Variants in FAM117B observed in about 807,000 individuals in gnomAD.
FAM117B encodes family with sequence similarity 117 member B.
FAM117B carries 22 observed loss-of-function variants against 52.8 expected under a neutral mutation model. The observed-to-expected ratio is 0.42, with a 90% CI of 0.30 to 0.59. The LOEUF (loss-of-function observed/expected upper bound fraction) is 0.59, where lower values mean the gene tolerates loss of function less well. Ranked by LOEUF, FAM117B falls within the 20% of genes least tolerant of loss-of-function variation. FAM117B has a pLI of 0.22. For synonymous variants in FAM117B, 309 were observed against 324.1 expected (o/e 0.95, Z 0.50); for missense variants, 678 against 802.6 (o/e 0.84, Z 1.88).
chr2:202,661,441 G>A (rs1690126074), intron 1 of FAM117B, among the ~76,000 whole-genome samples: 1 of 152,132 alleles, frequency 6.6e-6, no homozygotes, highest in Non-Finnish European at 1.5e-5. Context: ...AATGCTAAGT[G>A]TTTTGAATAT....
intron 2 of FAM117B, among the ~76,000 whole-genome samples, chr2:202,713,515 A>AT (rs1690988736): frequency 6.6e-6 from 1 of 151,458 alleles, no homozygotes; most frequent in African/African-American, 2.4e-5. Context: ...TGTCAAATTC[A>AT]TTTATTTCTG....
intron 4 of FAM117B, among the ~76,000 whole-genome samples, chr2:202,746,761 C>G (rs1691639351): frequency 6.6e-6 from 1 of 151,764 alleles, no homozygotes. Context: ...AAAAATTGTC[C>G]CAACAAAGAA....
intron 1 of FAM117B, among the ~76,000 whole-genome samples, chr2:202,644,064 G>GTTTTTTTTTTTTTTTTTTTTTTTCTT (rs1161026426): frequency 1.1e-5 from 1 of 95,138 alleles, no homozygotes; most frequent in Non-Finnish European, 1.9e-5. Flanking sequence ...TTTTTTTTTT[G>GTTTTTTTTTTTTTTTTTTTTTTTCTT]TTTTTTTTTT....
chr2:202,683,982 TCAGC>T (rs1228538420), intron 1 of FAM117B, among the ~76,000 whole-genome samples: 2 of 151,978 alleles, frequency 1.3e-5, no homozygotes, highest in African/African-American at 4.8e-5. Context: ...TCCTCCCACC[TCAGC>T]CTCCCGAGCA....
chr2:202,754,421 G>A (rs1223325843), intron 4 of FAM117B, among the ~76,000 whole-genome samples: 1 of 152,052 alleles, frequency 6.6e-6, no homozygotes, highest in Non-Finnish European at 1.5e-5. Context: ...AATAGGTGCA[G>A]CAAACCACTA....
chr2:202,680,264 A>G (rs1217999903), intron 1 of FAM117B, among the ~76,000 whole-genome samples: 1 of 152,194 alleles, frequency 6.6e-6, no homozygotes, highest in African/African-American at 2.4e-5. Context: ...AGCCACAAAA[A>G]AAGTCTGACA....
intron 4 of FAM117B, among the ~76,000 whole-genome samples, chr2:202,731,263 C>T (rs1574573005): frequency 7.1e-6 from 1 of 140,336 alleles, no homozygotes; most frequent in Non-Finnish European, 1.5e-5. Context: ...AATACCAGTT[C>T]ATATGCATTA....
At position 202,732,136 on chromosome 2, in the gene FAM117B, C is replaced by T. The variant is rs539910748; in HGVS notation, c.960+5773C>T. ...GAACTCCTGGCCTCAGGTGATCCAC[C>T]TGCCTCAGCTTTCCAAAGTGCCGGG... On this transcript the variant is annotated intron_variant, in intron 4 of 7. Coordinates refer to ENST00000392238, the MANE Select transcript of FAM117B (RefSeq NM_173511.4). Among the ~76,000 whole-genome samples, 13 of 151,904 alleles carry T rather than the reference C, an allele frequency of 8.6e-5. 1 individual carries two copies. The South Asian group carries it at 2.7e-3, about 32-fold the overall frequency.
chr2:202,731,566 G>C (rs540068458), intron 4 of FAM117B, among the ~76,000 whole-genome samples: 2 of 151,298 alleles, frequency 1.3e-5, no homozygotes, highest in African/African-American at 2.4e-5. Context: ...GAGTAGCTGG[G>C]ATTACAGGCA....
chr2:202,696,831 C>T (rs778375453), intron 2 of FAM117B, among the ~76,000 whole-genome samples: 4 of 152,064 alleles, frequency 2.6e-5, no homozygotes, highest in Non-Finnish European at 4.4e-5. Context: ...TTTGGGAGGC[C>T]GAGATGGGTG....
At chr2:202,740,335 G>A (rs970380796) in intron 4 of FAM117B, among the ~76,000 whole-genome samples, 19 of 146,140 alleles carry the variant, frequency 1.3e-4, no homozygotes, top group African/African-American at 4.6e-4. Context: ...ACTTCAGGCT[G>A]GGCAACAGAA....
chr2:202,682,262 C>T (rs773909508), intron 1 of FAM117B, among the ~76,000 whole-genome samples: 16 of 152,304 alleles, frequency 1.1e-4, no homozygotes, highest in Admixed American at 5.2e-4. Flanking sequence ...AAGGCTGTCA[C>T]GCTGACCCTC....
chr2:202,661,653 C>T (rs952144607), intron 1 of FAM117B, among the ~76,000 whole-genome samples: 2 of 152,168 alleles, frequency 1.3e-5, no homozygotes, highest in Non-Finnish European at 2.9e-5. Context: ...CATTGGCTCA[C>T]ACCTGCAATC....
intron 1 of FAM117B, among the ~76,000 whole-genome samples, chr2:202,683,927 C>T (rs1029050776): frequency 8.6e-5 from 13 of 151,788 alleles, no homozygotes; most frequent in Admixed American, 3.3e-4. Flanking sequence ...AGTGCAGTGG[C>T]GCGATCATGG....
intron 1 of FAM117B, among the ~76,000 whole-genome samples, chr2:202,686,446 G>T (rs1690538037): frequency 6.6e-6 from 1 of 152,194 alleles, no homozygotes; most frequent in African/African-American, 2.4e-5. Context: ...TCCATAAAAA[G>T]ATTTCTTCAA....
intron 2 of FAM117B, among the ~76,000 whole-genome samples, chr2:202,715,954 T>C (rs1203050768): frequency 6.7e-6 from 1 of 149,312 alleles, no homozygotes; most frequent in Admixed American, 6.7e-5. Flanking sequence ...TGGTGGCGCG[T>C]GCCTGCAATC....
chr2:202,744,469 C>T (rs1054234657), intron 4 of FAM117B, among the ~76,000 whole-genome samples: 25 of 152,254 alleles, frequency 1.6e-4, no homozygotes, highest in Non-Finnish European at 2.4e-4. Flanking sequence ...AAACACTTCC[C>T]GTTACGCCCC....
In FAM117B at chr2:202,747,718, C is replaced by G. The variant is rs144524964; in HGVS notation, c.961-7820C>G. The stretch of plus-strand genomic sequence containing the variant: ...TCAGGTTACAATAGCTAAAAAAGAA[C>G]AACAATAAAAAACCCTGAGAATAAA... On this transcript the variant is annotated intron_variant, in intron 4 of 7. Coordinates refer to ENST00000392238, the MANE Select transcript of FAM117B (RefSeq NM_173511.4). Among the ~76,000 whole-genome samples the G allele has an allele frequency of 1.3e-4, 19 of 151,792 alleles. No homozygotes were observed. The East Asian group carries it at 2.7e-3, about 22-fold the overall frequency.
At chr2:202,731,943 TG>T (rs768033700) in intron 4 of FAM117B, among the ~76,000 whole-genome samples, 1 of 151,740 alleles carries the variant, frequency 6.6e-6, no homozygotes, top group Non-Finnish European at 1.5e-5. Context: ...CCATGTTGGC[TG>T]GGTTGGCTGC....
Sources: gnomAD v4.1 joint callset for allele counts (sites outside exome capture counted in the v4.1 genomes callset) on GRCh38, gnomAD v4.1.1 for gene constraint, MANE v1.5 for transcripts, NCBI Gene and HGNC (gene_info 2026-07-23, HGNC 2026-07-21) for gene names.